The following GRIP1 variants were observed in gnomAD, a reference collection of about 807,000 sequenced individuals.
The protein encoded by GRIP1 is glutamate receptor interacting protein 1.
In GRIP1, 45 loss-of-function variants were observed where a neutral mutation model predicts 129.9. That is an observed-to-expected ratio of 0.35 (90% CI 0.27 to 0.44). The LOEUF (loss-of-function observed/expected upper bound fraction) is 0.44. Ranked by LOEUF, GRIP1 falls within the 20% of genes least tolerant of loss-of-function variation. The pLI is 1.00. For missense variants in GRIP1, 1,196 were observed against 1,396.8 expected (o/e 0.86, Z 2.29); for synonymous variants, 530 against 520.8 (o/e 1.02, Z -0.24).
chr12:66,515,660 T>C lies in GRIP1; in HGVS notation c.683A>G (p.Gln228Arg). ...EAMSILKQCG[Q>R]EAALLIEYDV... ...ATATTCTATCAGCAGTGCTGCTTCT[T>C]GTCCACATTGTTTAAGAATACTCAT... The change falls in exon 7 of 25, where the codon CAA (glutamine) becomes CGA (arginine). Residue 228 changes from glutamine (Q) to arginine (R), a missense_variant. Coordinates refer to ENST00000359742, the MANE Select transcript of GRIP1 (RefSeq NM_001366722.1). 3 of 1,613,678 alleles carry C rather than the reference T, an allele frequency of 1.9e-6. No homozygotes were observed. Among genetic ancestry groups the C allele is most frequent in the Non-Finnish European group, 2.5e-6 (3 of 1,179,596 alleles).
intron 1 of GRIP1, among the ~76,000 whole-genome samples, chr12:66,834,936 A>G (rs7308458): frequency 0.025 from 2,524 of 99,130 alleles, 97 homozygotes; most frequent in African/African-American, 0.082. Context: ...TAAAAAAAAA[A>G]GGGGGGGGGG....
intron 7 of GRIP1, among the ~76,000 whole-genome samples, chr12:66,491,111 T>C (rs1264004476): frequency 6.6e-6 from 1 of 152,210 alleles, no homozygotes; most frequent in Non-Finnish European, 1.5e-5. Flanking sequence ...CATTACTGTG[T>C]ACATGTATAC....
chr12:66,802,608 C>T (rs1004831405), intron 1 of GRIP1, among the ~76,000 whole-genome samples: 2 of 152,000 alleles, frequency 1.3e-5, no homozygotes, highest in African/African-American at 4.8e-5. Flanking sequence ...AAATATTGTT[C>T]AATTCTGTTT....
chr12:66,498,219 G>A (rs959103355), intron 7 of GRIP1, among the ~76,000 whole-genome samples: 4 of 152,182 alleles, frequency 2.6e-5, no homozygotes, highest in African/African-American at 7.2e-5. Context: ...TCACACAGAC[G>A]CGCATGAAAG....
chr12:66,596,966 C>T, intron 1 of GRIP1, 39 bp from the exon 2 acceptor site: 1 of 1,340,906 alleles, frequency 7.5e-7, no homozygotes. Flanking sequence ...AATTTCCATC[C>T]AGTTTCTAAT....
intron 1 of GRIP1, among the ~76,000 whole-genome samples, chr12:66,863,893 G>A (rs2040155685): frequency 6.6e-6 from 1 of 152,096 alleles, no homozygotes; most frequent in Admixed American, 6.6e-5. Context: ...GAGATCCAAG[G>A]ACCACACTGA....
At chr12:66,590,581 T>G (rs1041789443) in intron 2 of GRIP1, among the ~76,000 whole-genome samples, 2 of 152,196 alleles carry the variant, frequency 1.3e-5, no homozygotes, top group African/African-American at 4.8e-5. Context: ...TTTCCTCATA[T>G]TTTTTAGCAC....
intron 1 of GRIP1, among the ~76,000 whole-genome samples, chr12:66,728,085 C>A (rs2036313381): frequency 6.6e-6 from 1 of 152,128 alleles, no homozygotes; most frequent in African/African-American, 2.4e-5. Context: ...CCACAACAGA[C>A]ACATTGCCAA....
chr12:67,021,728 T>C (rs2042870221), intron 1 of GRIP1, among the ~76,000 whole-genome samples: 1 of 152,158 alleles, frequency 6.6e-6, no homozygotes, highest in South Asian at 2.1e-4. Context: ...TACAGAACAC[T>C]AGAATTTATT....
intron 1 of GRIP1, among the ~76,000 whole-genome samples, chr12:66,880,517 A>G (rs534893883): frequency 3.8e-4 from 58 of 152,250 alleles, no homozygotes; most frequent in African/African-American, 1.3e-3. Context: ...GAGCAGAGAG[A>G]TTGCAGGCAT....
At chr12:66,983,566 T>G (rs952541139) in intron 1 of GRIP1, among the ~76,000 whole-genome samples, 2 of 152,210 alleles carry the variant, frequency 1.3e-5, no homozygotes, top group African/African-American at 4.8e-5. Flanking sequence ...TTTTAATAAC[T>G]GCATCTTGAT....
At chr12:66,888,552 G>A (rs1045389521) in intron 1 of GRIP1, among the ~76,000 whole-genome samples, 8 of 152,246 alleles carry the variant, frequency 5.3e-5, no homozygotes, top group African/African-American at 1.9e-4. Context: ...TAGTAGAGAC[G>A]GTGTTTTGCC....
At chr12:67,037,329 A>AAATAATTAAT (rs1555167302) in intron 1 of GRIP1, 2 of 139,188 alleles carry the variant, frequency 1.4e-5, no homozygotes, top group Non-Finnish European at 3.1e-5. Flanking sequence ...CTCTGCCTGA[A>AAATAATTAAT]AATAATAATA....
At chr12:66,485,953 G>A (rs932855967) in intron 7 of GRIP1, among the ~76,000 whole-genome samples, 16 of 151,898 alleles carry the variant, frequency 1.1e-4, no homozygotes, top group Admixed American at 9.8e-4. Flanking sequence ...TGTGTTTTCT[G>A]GACACTCTGT....
chr12:66,977,244 C>CTT (rs202219341), intron 1 of GRIP1, among the ~76,000 whole-genome samples: 2 of 127,426 alleles, frequency 1.6e-5, no homozygotes, highest in Non-Finnish European at 3.4e-5. Context: ...TCTTTTTTTT[C>CTT]TTTTTTTTTA....
At chr12:66,463,165 A>T (rs1028518704) in intron 8 of GRIP1, 72 bp from the exon 9 acceptor site, 12 of 1,270,772 alleles carry the variant, frequency 9.4e-6, no homozygotes, top group Middle Eastern at 1.9e-4. Flanking sequence ...TGTCCTTCAT[A>T]GTTAAAATTT....
intron 1 of GRIP1, chr12:67,035,546 T>G (rs1475556495): frequency 3.3e-5 from 5 of 152,184 alleles, no homozygotes; most frequent in Admixed American, 6.5e-5. Context: ...AAATCAGAAT[T>G]GACAATGATG....
chr12:67,063,694 T>C (rs980451230), intron 1 of GRIP1, among the ~76,000 whole-genome samples: 1 of 152,234 alleles, frequency 6.6e-6, no homozygotes, highest in Non-Finnish European at 1.5e-5. Context: ...TAGTTTGCCA[T>C]CTGCAGCATT....
At chr12:66,547,251 T>G (rs949512189) in intron 2 of GRIP1, among the ~76,000 whole-genome samples, 44 of 151,124 alleles carry the variant, frequency 2.9e-4, no homozygotes, top group African/African-American at 1.1e-3. Context: ...TCAGAAAGGC[T>G]AAAATAAAAA....
Sources: allele counts gnomAD v4.1 joint callset (sites outside exome capture counted in the v4.1 genomes callset), GRCh38; gene constraint gnomAD v4.1.1; transcripts MANE v1.5; gene names NCBI Gene and HGNC (gene_info 2026-07-23, HGNC 2026-07-21).